EZH2: variants seen among roughly 807,000 people sequenced by gnomAD.
The protein encoded by EZH2 is enhancer of zeste 2 polycomb repressive complex 2 subunit.
A neutral mutation model predicts 98.4 loss-of-function variants in EZH2; 18 were observed. The observed-to-expected ratio is 0.18, with a 90% CI of 0.13 to 0.27. The LOEUF is 0.27. Ranked by LOEUF, EZH2 falls within the 10% of genes least tolerant of loss-of-function variation. The pLI, the probability that EZH2 is intolerant of heterozygous loss-of-function variation, is 1.00. For synonymous variants in EZH2, 338 were observed against 312.3 expected (o/e 1.08, Z -0.87); for missense variants, 470 against 935.1 (o/e 0.50, Z 6.49).
intron 19 of EZH2, among the ~76,000 whole-genome samples, chr7:148,808,593 G>A (rs569688142): frequency 2.0e-5 from 3 of 152,308 alleles, no homozygotes; most frequent in South Asian, 2.1e-4. Context: ...ATCAGACAGC[G>A]ATTTGCCAAC....
At position 148,884,258 on chromosome 7, in the gene EZH2, C is replaced by A. The variant is rs1158237595; in HGVS notation, c.-102G>T. 1 of 181,426 alleles carries A rather than the reference C, an allele frequency of 5.5e-6. No individual in the cohort carries two copies. Among genetic ancestry groups the A allele is most frequent in the East Asian group, 9.3e-5 (1 of 10,758 alleles). 11.2% of individuals were successfully genotyped at this position (181,426 alleles called of 1,614,324 possible). ...GGCTCCACTGCCTTCTGAGTCCCACCGGGTGTCGGACGCGACCGGACCGAG... is the reference window on the plus strand; with the variant it reads ...GGCTCCACTGCCTTCTGAGTCCCACAGGGTGTCGGACGCGACCGGACCGAG... On this transcript the variant is annotated 5_prime_UTR_variant, in exon 1 of 20. Coordinates refer to ENST00000320356, the MANE Select transcript of EZH2 (RefSeq NM_004456.5).
intron 8 of EZH2, among the ~76,000 whole-genome samples, chr7:148,824,600 T>C (rs1807139616): frequency 1.3e-5 from 2 of 152,200 alleles, no homozygotes; most frequent in African/African-American, 4.8e-5. Flanking sequence ...GTTTACATAA[T>C]GCCAAAATCA....
chr7:148,871,652 G>A (rs1819425364), intron 1 of EZH2, among the ~76,000 whole-genome samples: 1 of 149,574 alleles, frequency 6.7e-6, no homozygotes, highest in Non-Finnish European at 1.5e-5. Flanking sequence ...ACAGCTCACT[G>A]CAGCCTCGAC....
chr7:148,824,582 C>T (rs544985527), intron 8 of EZH2, among the ~76,000 whole-genome samples: 1 of 152,278 alleles, frequency 6.6e-6, no homozygotes, highest in South Asian at 2.1e-4. Context: ...TGTGTAAGTA[C>T]ACTCTGTGTT....
At chr7:148,845,374 A>G (rs1215431137) in intron 3 of EZH2, among the ~76,000 whole-genome samples, 1 of 152,208 alleles carries the variant, frequency 6.6e-6, no homozygotes, top group Non-Finnish European at 1.5e-5. Flanking sequence ...TGAGGAGGAA[A>G]GTGTCACTGT....
chr7:148,843,289 G>T (rs1370945963), intron 3 of EZH2, among the ~76,000 whole-genome samples: 2 of 151,788 alleles, frequency 1.3e-5, no homozygotes, highest in East Asian at 3.9e-4. Flanking sequence ...GAGGTGAGAG[G>T]ATCGCCTGAG....
chr7:148,826,711 T>C, intron 7 of EZH2, 79 bp from the exon 8 acceptor site: 8 of 1,219,176 alleles, frequency 6.6e-6, no homozygotes, highest in Middle Eastern at 2.1e-4. Flanking sequence ...AAGGTTTCCA[T>C]GTGTTACTTT....
At chr7:148,873,497 A>G (rs1365092207) in intron 1 of EZH2, among the ~76,000 whole-genome samples, 2 of 149,102 alleles carry the variant, frequency 1.3e-5, no homozygotes, top group Non-Finnish European at 3.0e-5. Context: ...GTCTCAAAAA[A>G]AAAAAAAAAA....
chr7:148,842,718 T>C (rs1021846900), intron 3 of EZH2, among the ~76,000 whole-genome samples: 5 of 151,974 alleles, frequency 3.3e-5, no homozygotes, highest in Non-Finnish European at 7.4e-5. Context: ...CAATAATGCT[T>C]AGGTTCTATA....
At chr7:148,879,118 G>A (rs550321319) in intron 1 of EZH2, among the ~76,000 whole-genome samples, 10 of 151,310 alleles carry the variant, frequency 6.6e-5, no homozygotes, top group South Asian at 6.3e-4. Flanking sequence ...CCAGCTACTC[G>A]GGAGGCTGAG....
chr7:148,879,317 G>A (rs532660815), intron 1 of EZH2, among the ~76,000 whole-genome samples: 2 of 152,014 alleles, frequency 1.3e-5, no homozygotes, highest in African/African-American at 4.8e-5. Flanking sequence ...TTGGGAGGAC[G>A]AGGCAGGTCA....
chr7:148,863,114 A>T (rs972962829), intron 1 of EZH2, among the ~76,000 whole-genome samples: 46 of 151,824 alleles, frequency 3.0e-4, no homozygotes, highest in African/African-American at 1.1e-3. Flanking sequence ...GAAAGAAAGA[A>T]AAAATAGTTT....
rs1801785836 is a variant in EZH2, at chr7:148,807,524, T to TTA, written c.*120_*121dup. ...TTAAACTCATTACTATAAATTATTC[T>TTA]TACAGTACTTTGCAAATTCAGAATT... On this transcript the variant is annotated 3_prime_UTR_variant, in exon 20 of 20. Coordinates refer to ENST00000320356, the MANE Select transcript of EZH2 (RefSeq NM_004456.5). 1 of 792,794 alleles carries TTA rather than the reference T, an allele frequency of 1.3e-6. No individual in the cohort carries two copies. The highest frequency in any genetic ancestry group is 2.2e-5 in the Admixed American group (1 of 46,494). The allele number at this position is 792,794 out of a possible 1,614,324, so 49.1% of individuals were successfully genotyped here.
intron 14 of EZH2, among the ~76,000 whole-genome samples, 163 bp downstream of exon 14, chr7:148,814,751 T>C (rs895083264): frequency 3.9e-5 from 6 of 152,208 alleles, no homozygotes; most frequent in Admixed American, 1.3e-4. Context: ...GACTGGCCAC[T>C]GGCACAGGGC....
At chr7:148,812,215 C>G (rs1379809388) in intron 15 of EZH2, among the ~76,000 whole-genome samples, 1 of 151,994 alleles carries the variant, frequency 6.6e-6, no homozygotes, top group African/African-American at 2.4e-5. Context: ...CCCTCTGAAG[C>G]CCATAGCAGC....
chr7:148,878,676 A>C (rs1820508977), intron 1 of EZH2, among the ~76,000 whole-genome samples: 1 of 152,130 alleles, frequency 6.6e-6, no homozygotes, highest in African/African-American at 2.4e-5. Flanking sequence ...AGGTAGGTGG[A>C]TCTCTTGAGT....
intron 1 of EZH2, among the ~76,000 whole-genome samples, chr7:148,851,595 C>CAGTG (rs774556565): frequency 9.9e-5 from 15 of 152,282 alleles, no homozygotes; most frequent in Admixed American, 3.3e-4. Flanking sequence ...AGGCCACGTA[C>CAGTG]AGTGGTTCAA....
Position 148,810,442 on chromosome 7 carries a change from C to CT in EZH2, c.1948-29dup, listed in dbSNP as rs146223228. The CT allele has an allele frequency of 0.037, 57,083 of 1,530,138 alleles. 1,332 individuals are homozygous for CT. Among genetic ancestry groups the CT allele is most frequent in the Admixed American group, 0.08 (4,800 of 59,794 alleles). 94.8% of individuals were successfully genotyped at this position (1,530,138 alleles called of 1,614,324 possible). On this transcript the variant is annotated intron_variant, in intron 16 of 19. Transcript: ENST00000320356. ...AAAAAGAAAGACACAGGAGAAAATTCTTTTGGATAAAGGTGATCAAGCCTG... is the reference window on the plus strand; with the variant it reads ...AAAAAGAAAGACACAGGAGAAAATTCTTTTTGGATAAAGGTGATCAAGCCTG...
chr7:148,825,517 C>A (rs1212035264), intron 8 of EZH2, among the ~76,000 whole-genome samples: 1 of 152,144 alleles, frequency 6.6e-6, no homozygotes, highest in Non-Finnish European at 1.5e-5. Flanking sequence ...TTAGCTGCAG[C>A]AAAAACAAGT....
Sources: allele counts gnomAD v4.1 joint callset (sites outside exome capture counted in the v4.1 genomes callset), GRCh38; gene constraint gnomAD v4.1.1; transcripts MANE v1.5; gene names NCBI Gene and HGNC (gene_info 2026-07-23, HGNC 2026-07-21).